SAMD5: variants seen among roughly 807,000 people sequenced by gnomAD.
SAMD5 encodes sterile alpha motif domain containing 5.
SAMD5 carries 13 observed loss-of-function variants against 11.3 expected under a neutral mutation model. The ratio of observed to expected loss-of-function variants is 1.15; its 90% CI spans 0.75 to 1.83. The LOEUF (loss-of-function observed/expected upper bound fraction) is 1.83, where lower values mean the gene tolerates loss of function less well. SAMD5 is among the 40% of genes most tolerant of loss of function. The pLI, the probability that SAMD5 is intolerant of heterozygous loss-of-function variation, is 0.00. For missense variants in SAMD5, 255 were observed against 239.1 expected (o/e 1.07, Z -0.44); for synonymous variants, 129 against 111.3 (o/e 1.16, Z -1.00).
the SAMD5 span, among the ~76,000 whole-genome samples, chr6:147,743,017 A>G: frequency 1.2e-4 from 18 of 152,330 alleles, no homozygotes; most frequent in East Asian, 2.5e-3. Flanking sequence ...GTAAAACTAA[A>G]TTTGAAGGGA....
rs1789911940 is a variant in SAMD5, at chr6:147,618,672, G to T, written c.162+109285G>T. Among the ~76,000 whole-genome samples the T allele has an allele frequency of 5.3e-5, 8 of 152,218 alleles. 1 individual carries two copies. The South Asian group carries it at 1.7e-3, about 31-fold the overall frequency. On this transcript the variant is annotated intron_variant, in intron 1 of 1. Coordinates refer to the SAMD5 transcript ENST00000566741. The stretch of plus-strand genomic sequence containing the variant: ...TTGGCGGGAGCCCATTATCTAGTCA[G>T]TCTGGAGAGCTTCAGTCCCTCCCCT...
the SAMD5 span, among the ~76,000 whole-genome samples, chr6:147,827,794 ATT>A: frequency 1.4e-5 from 2 of 146,196 alleles, no homozygotes; most frequent in Admixed American, 6.9e-5. Flanking sequence ...CTAACATGAC[ATT>A]TTTTTTTTTT....
intron 1 of SAMD5, among the ~76,000 whole-genome samples, chr6:147,678,925 C>A (rs1790902505): frequency 2.0e-5 from 3 of 152,112 alleles, no homozygotes; most frequent in Admixed American, 2.0e-4. Flanking sequence ...TATCCATCGT[C>A]TCCAAAAGTG....
chr6:147,515,176 G>GTTTTTTTT (rs71031029), intron 1 of SAMD5, among the ~76,000 whole-genome samples: 21 of 75,036 alleles, frequency 2.8e-4, no homozygotes, highest in East Asian at 8.9e-4. Flanking sequence ...ATCCTTCCAG[G>GTTTTTTTT]TTTTTTTTTT....
intron 1 of SAMD5, among the ~76,000 whole-genome samples, chr6:147,609,252 A>G (rs1390123894): frequency 2.0e-5 from 3 of 152,200 alleles, no homozygotes; most frequent in African/African-American, 7.2e-5. Context: ...TAAAAAGGAA[A>G]TCTGGGGCCA....
chr6:147,672,944 A>T (rs1790814220), intron 1 of SAMD5, among the ~76,000 whole-genome samples: 1 of 152,186 alleles, frequency 6.6e-6, no homozygotes, highest in Non-Finnish European at 1.5e-5. Flanking sequence ...CAAACAGTAT[A>T]GCATGACTTA....
chr6:147,535,273 C>T (rs1041711457), intron 1 of SAMD5, among the ~76,000 whole-genome samples: 2 of 152,328 alleles, frequency 1.3e-5, no homozygotes, highest in Admixed American at 6.5e-5. Context: ...GCTTCCAAGG[C>T]TTGCAGGGCA....
chr6:147,554,497 A>T (rs554212400), intron 1 of SAMD5, among the ~76,000 whole-genome samples: 53 of 152,322 alleles, frequency 3.5e-4, no homozygotes, highest in African/African-American at 1.3e-3. Flanking sequence ...CTATTTTGAT[A>T]TGGCAGGCTG....
At chr6:147,512,303 G>A (rs1371774321) in intron 1 of SAMD5, among the ~76,000 whole-genome samples, 1 of 152,180 alleles carries the variant, frequency 6.6e-6, no homozygotes, top group Non-Finnish European at 1.5e-5. Context: ...GCTTGGTGGA[G>A]TGGGCTTTTC....
At chr6:147,789,414 G>A in the SAMD5 span, among the ~76,000 whole-genome samples, 2 of 151,822 alleles carry the variant, frequency 1.3e-5, no homozygotes, top group East Asian at 3.9e-4. Context: ...CCATCTCCCT[G>A]CCCAGAGATA....
chr6:147,776,065 G>C, the SAMD5 span, among the ~76,000 whole-genome samples: 1 of 152,214 alleles, frequency 6.6e-6, no homozygotes, highest in African/African-American at 2.4e-5. Context: ...CTATAGACTA[G>C]ACATTGAGAA....
chr6:147,897,716 G>A, the SAMD5 span, among the ~76,000 whole-genome samples: 3 of 151,962 alleles, frequency 2.0e-5, no homozygotes, highest in Non-Finnish European at 2.9e-5. Flanking sequence ...AAGCCAAGGC[G>A]GGTGGATCAC....
intron 1 of SAMD5, among the ~76,000 whole-genome samples, chr6:147,617,728 G>T (rs994928158): frequency 3.3e-5 from 5 of 152,178 alleles, no homozygotes; most frequent in Non-Finnish European, 7.4e-5. Context: ...CAGGGCTAGG[G>T]CTAGGAGAAA....
chr6:147,654,069 C>T (rs375733313), intron 1 of SAMD5, among the ~76,000 whole-genome samples: 7 of 152,232 alleles, frequency 4.6e-5, no homozygotes, highest in African/African-American at 1.7e-4. Flanking sequence ...TGTCTTTTTT[C>T]CTTTATTTTG....
intron 1 of SAMD5, among the ~76,000 whole-genome samples, chr6:147,666,989 A>T (rs979799257): frequency 6.6e-6 from 1 of 151,070 alleles, no homozygotes; most frequent in African/African-American, 2.4e-5. Flanking sequence ...CCTTTCCCCC[A>T]TTTTTTCCGA....
At chr6:147,673,571 C>T (rs4896938) in intron 1 of SAMD5, among the ~76,000 whole-genome samples, 5 of 151,860 alleles carry the variant, frequency 3.3e-5, no homozygotes, top group Non-Finnish European at 7.4e-5. Context: ...GATACTTGTG[C>T]GGACACTTCC....
intron 1 of SAMD5, among the ~76,000 whole-genome samples, chr6:147,698,920 G>A (rs1428553682): frequency 6.6e-6 from 1 of 152,158 alleles, no homozygotes; most frequent in Non-Finnish European, 1.5e-5. Flanking sequence ...CAGATGAAAA[G>A]GCTTCATGGC....
chr6:147,726,522 C>G (rs1351603414), intron 1 of SAMD5, among the ~76,000 whole-genome samples: 1 of 152,132 alleles, frequency 6.6e-6, no homozygotes, highest in African/African-American at 2.4e-5. Flanking sequence ...TGCCTGGGGC[C>G]CAGGCCCAGG....
At chr6:147,589,793 A>G (rs532810243) in intron 1 of SAMD5, among the ~76,000 whole-genome samples, 4 of 152,218 alleles carry the variant, frequency 2.6e-5, no homozygotes, top group Non-Finnish European at 2.9e-5. Context: ...AGGATTAAAT[A>G]TAGTATAAAT....
Sources: allele counts gnomAD v4.1 joint callset (sites outside exome capture counted in the v4.1 genomes callset), GRCh38; gene constraint gnomAD v4.1.1; transcripts MANE v1.5; gene names NCBI Gene and HGNC (gene_info 2026-07-23, HGNC 2026-07-21).